The following RNF10 variants were observed in gnomAD, a reference collection of about 807,000 sequenced individuals.
RNF10 encodes E3 ubiquitin-protein ligase RNF10.
A neutral mutation model predicts 91.4 loss-of-function variants in RNF10; 38 were observed. The observed-to-expected ratio is 0.42, with a 90% CI of 0.32 to 0.54. RNF10 has a LOEUF of 0.54. RNF10 is among the 20% of genes least tolerant of loss of function. RNF10 has a pLI of 0.16. For synonymous variants in RNF10, 364 were observed against 366.3 expected, an observed-to-expected ratio of 0.99 and a Z score of 0.07; for missense variants, 945 against 1,012.0, an observed-to-expected ratio of 0.93 and a Z score of 0.90.
chr12:120,542,312 T>C (rs948439770), intron 1 of RNF10, among the ~76,000 whole-genome samples: 1 of 152,076 alleles, frequency 6.6e-6, no homozygotes, highest in Non-Finnish European at 1.5e-5. Context: ...TGCCACCACA[T>C]TGGGCTAATT....
At chr12:120,546,352 CT>C in intron 1 of RNF10, 52 bp from the exon 2 acceptor site, 1 of 1,539,622 alleles carries the variant, frequency 6.5e-7, no homozygotes, top group Non-Finnish European at 8.8e-7. Context: ...GGGCAGTTGG[CT>C]AAGTGAATGT....
intron 1 of RNF10, among the ~76,000 whole-genome samples, chr12:120,544,213 T>C (rs746664072): frequency 4.8e-5 from 7 of 146,708 alleles, no homozygotes; most frequent in African/African-American, 7.6e-5. Flanking sequence ...GGCAATAGAG[T>C]GAGACTGTTA....
At chr12:120,561,894 C>T (rs971440613) in intron 7 of RNF10, among the ~76,000 whole-genome samples, 2 of 152,306 alleles carry the variant, frequency 1.3e-5, no homozygotes, top group African/African-American at 2.4e-5. Context: ...CTTCCTACTA[C>T]TCTGGACCTC....
chr12:120,553,683 G>T (rs571937986), intron 3 of RNF10, among the ~76,000 whole-genome samples: 2 of 151,976 alleles, frequency 1.3e-5, no homozygotes, highest in Non-Finnish European at 2.9e-5. Context: ...GATTACAGGC[G>T]TGAGCCACGG....
At position 120,565,072 on chromosome 12, in the gene RNF10, G is replaced by A. The variant is rs1290222248; in HGVS notation, c.1666G>A (p.Asp556Asn). The change falls in exon 11 of 17, where the codon GAT (aspartate) becomes AAT (asparagine). Residue 556 changes from aspartate to asparagine, a missense_variant and splice_region_variant. Coordinates refer to ENST00000325954, the MANE Select transcript of RNF10 (RefSeq NM_014868.5). The stretch of plus-strand genomic sequence containing the variant: ...AGTATTGGTCCTTTTTCCAATGTAG[G>A]ATGTTCGACAGCGTCACAGATATCT... ...VEIAGYSMSE[D>N]VRQRHRYLSH... is the part of the protein sequence containing the mutation. 2.5e-6 allele frequency: 4 copies of A among 1,608,646 alleles called. No individual in the cohort carries two copies. In the Admixed American group the frequency reaches 5.0e-5, roughly 20 times the overall value.
At chr12:120,558,694 G>C (rs1345491096) in intron 6 of RNF10, among the ~76,000 whole-genome samples, 1 of 150,498 alleles carries the variant, frequency 6.6e-6, no homozygotes, top group Non-Finnish European at 1.5e-5. Flanking sequence ...TCAGCCTCCC[G>C]AGTAGCTGGG....
rs550901785 is a variant in RNF10 at position 120,564,747 on chromosome 12, AACTT to A, written c.1666-324_1666-321del. The stretch of plus-strand genomic sequence containing the variant: ...CTGTTCTGTTTTTCTGCCAACAAAT[AACTT>A]TATCTTCTCTGTTCGTCCCCCTCAG... On this transcript the variant is annotated intron_variant, in intron 10 of 16. Transcript: ENST00000325954. Among the ~76,000 whole-genome samples the A allele has an allele frequency of 1.2e-4, 19 of 152,300 alleles. No homozygotes were observed. In the East Asian group the frequency reaches 3.7e-3, roughly 29 times the overall value.
Position 120,565,176 on chromosome 12 carries a change from A to G in RNF10, c.1770A>G (p.Leu590=). Residue 590 remains leucine (L), a synonymous_variant, in exon 11 of 17, where the codon CTA becomes CTG. Transcript: ENST00000325954. ...CTCCTGTGGTCTCTAAGGAAACCCT[A>G]GAGATGTTCTCAGGTGAGAATGCCC... ...LQPPVVSKET[L]EMFSDDIEKR... is the part of the protein sequence containing the mutation. 2.5e-6 allele frequency: 4 copies of G among 1,606,578 alleles called. No individual in the cohort carries two copies. Among genetic ancestry groups the G allele is most frequent in the Non-Finnish European group, 3.4e-6 (4 of 1,173,192 alleles).
chr12:120,551,381 G>A (rs1466007166), intron 2 of RNF10, among the ~76,000 whole-genome samples: 2 of 129,834 alleles, frequency 1.5e-5, no homozygotes, highest in African/African-American at 5.8e-5. Flanking sequence ...TGCAACCTCT[G>A]CCTCTCGGGT....
intron 6 of RNF10, among the ~76,000 whole-genome samples, chr12:120,558,724 A>G (rs1426334460): frequency 6.6e-6 from 1 of 151,216 alleles, no homozygotes; most frequent in African/African-American, 2.4e-5. Context: ...GCCCGCCACC[A>G]TGCCTGGCTG....
At chr12:120,566,777 A>T (rs986787730) in intron 12 of RNF10, 48 bp from the exon 13 acceptor site, 1 of 1,563,572 alleles carries the variant, frequency 6.4e-7, no homozygotes, top group African/African-American at 1.4e-5. Context: ...AAAAAAAAAA[A>T]AATTGAATTC....
At chr12:120,557,766 G>C (rs946762902) in intron 6 of RNF10, 84 bp downstream of exon 6, 2 of 1,491,172 alleles carry the variant, frequency 1.3e-6, no homozygotes, top group Non-Finnish European at 1.9e-6. Flanking sequence ...AGAAAGTGAA[G>C]CCTTTGGGCA....
intron 2 of RNF10, among the ~76,000 whole-genome samples, chr12:120,552,293 A>T (rs1873220990): frequency 6.6e-6 from 1 of 151,566 alleles, no homozygotes; most frequent in Non-Finnish European, 1.5e-5. Flanking sequence ...CCAGCTACTC[A>T]GGAGGCTGAG....
chr12:120,572,900 C>CT (rs35567785), intron 14 of RNF10, among the ~76,000 whole-genome samples: 33,659 of 100,420 alleles, frequency 0.34, 6,414 homozygotes, highest in African/African-American at 0.47. Flanking sequence ...TGCGCCTGGC[C>CT]TTTTTTTTTT....
At chr12:120,558,580 T>G (rs956397350) in intron 6 of RNF10, among the ~76,000 whole-genome samples, 1 of 150,470 alleles carries the variant, frequency 6.6e-6, no homozygotes, top group African/African-American at 2.4e-5. Context: ...TATATATATT[T>G]TTTTTTGAGA....
At chr12:120,557,854 T>C (rs1015811710) in intron 6 of RNF10, among the ~76,000 whole-genome samples, 172 bp downstream of exon 6, 2 of 152,226 alleles carry the variant, frequency 1.3e-5, no homozygotes, top group African/African-American at 4.8e-5. Flanking sequence ...AGATTAATTA[T>C]TGGTTTCAAG....
At position 120,563,912 on chromosome 12, in the gene RNF10, T is replaced by C; in HGVS notation, c.1634T>C (p.Val545Ala). Residue 545 changes from valine to alanine, a missense_variant, in exon 10 of 17, where the codon GTG becomes GCG. By Grantham distance (64) the Val-to-Ala change is moderately conservative. Coordinates refer to ENST00000325954, the MANE Select transcript of RNF10 (RefSeq NM_014868.5). ...ERSPEKISAT[V>A]VEIAGYSMSE... The stretch of plus-strand genomic sequence containing the variant: ...AGCCCCGAGAAGATCTCAGCAACTG[T>C]GGTGGAGATTGCTGGCTACTCCATG... 1 of 1,614,058 alleles carries C rather than the reference T, an allele frequency of 6.2e-7. No homozygotes were observed. Among genetic ancestry groups the C allele is most frequent in the Non-Finnish European group, 8.5e-7 (1 of 1,180,000 alleles).
At chr12:120,564,025 C>A in intron 10 of RNF10, 82 bp downstream of exon 10, 2 of 1,509,176 alleles carry the variant, frequency 1.3e-6, no homozygotes, top group South Asian at 2.3e-5. Context: ...ATCCTAAGTT[C>A]ACAAACCTTC....
At position 120,564,031 on chromosome 12, in the gene RNF10, C is replaced by A; in HGVS notation, c.1665+88C>A. ...GGCCTAGCCATCCTAAGTTCACAAA[C>A]CTTCAAGGCCTTTAGTTTTTGTATT... On this transcript the variant is annotated intron_variant, in intron 10 of 16. Transcript: ENST00000325954. The A allele has an allele frequency of 3.5e-6, 5 of 1,425,900 alleles. No homozygotes were observed. In the Admixed American group the frequency reaches 5.7e-5, roughly 16 times the overall value. 88.3% of individuals were successfully genotyped at this position (1,425,900 alleles called of 1,614,324 possible). A position where few individuals can be genotyped will look rare whatever the true frequency, so the allele number is the denominator to read the frequency against.
Sources: gnomAD v4.1 joint callset for allele counts (sites outside exome capture counted in the v4.1 genomes callset) on GRCh38, gnomAD v4.1.1 for gene constraint, MANE v1.5 for transcripts, NCBI Gene and HGNC (gene_info 2026-07-23, HGNC 2026-07-21) for gene names.